The following EFCAB6 variants were observed in gnomAD, a reference collection of about 807,000 sequenced individuals.
EFCAB6 encodes EF-hand calcium binding domain 6.
A neutral mutation model predicts 169.8 loss-of-function variants in EFCAB6; 156 were observed. The ratio of observed to expected loss-of-function variants is 0.92; its 90% confidence interval spans 0.81 to 1.05. EFCAB6 has a LOEUF of 1.05. Among genes scored for constraint, EFCAB6 ranks in the 50% least tolerant of loss-of-function variants. EFCAB6 has a pLI of 0.00. For synonymous variants in EFCAB6, 698 were observed against 676.4 expected (o/e 1.03, Z -0.50); for missense variants, 1,800 against 1,829.1 (o/e 0.98, Z 0.29).
At chr22:43,732,995 TTAAAG>T (rs1256704250) in intron 7 of EFCAB6, among the ~76,000 whole-genome samples, 2 of 152,234 alleles carry the variant, frequency 1.3e-5, no homozygotes, top group East Asian at 1.9e-4. Context: ...TAATTATCAC[TTAAAG>T]TATTTATTTT....
Position 43,773,107 on chromosome 22 carries a change from T to C in EFCAB6, c.140-4A>G. 2 of 1,613,974 alleles carry C rather than the reference T, an allele frequency of 1.2e-6. No individual in the cohort carries two copies. Among genetic ancestry groups the C allele is most frequent in the South Asian group, 1.1e-5 (1 of 91,056 alleles). ...GTTGGATTTGCAACAGCTGTGGCTATAAAAGAGATACAGCTATTTATTAAA... is the reference window on the plus strand; with the variant it reads ...GTTGGATTTGCAACAGCTGTGGCTACAAAAGAGATACAGCTATTTATTAAA... On this transcript the variant is annotated splice_region_variant and splice_polypyrimidine_tract_variant and intron_variant, in intron 3 of 31. Transcript: ENST00000262726.
intron 9 of EFCAB6, among the ~76,000 whole-genome samples, chr22:43,715,378 C>T (rs1192280000): frequency 3.9e-5 from 6 of 152,100 alleles, no homozygotes; most frequent in Non-Finnish European, 7.4e-5. Flanking sequence ...GATCACAGTG[C>T]GCTGCTCATG....
chr22:43,729,577 T>C lies in EFCAB6; in HGVS notation c.757+2122A>G, dbSNP rs189113569. Among the ~76,000 whole-genome samples, 100 of 152,136 alleles carry C rather than the reference T, an allele frequency of 6.6e-4. No homozygotes were observed. The East Asian group carries it at 0.014, about 22-fold the overall frequency. On this transcript the variant is annotated intron_variant, in intron 8 of 31. Coordinates refer to ENST00000262726, the MANE Select transcript of EFCAB6 (RefSeq NM_022785.4). ...ACGCAAACTCTCCAGGAGTGGATAGTGAAGGAAGGAGAGGAACATAATGAA... is the reference window on the plus strand; with the variant it reads ...ACGCAAACTCTCCAGGAGTGGATAGCGAAGGAAGGAGAGGAACATAATGAA...
chr22:43,655,520 C>CAAA lies in EFCAB6; in HGVS notation c.1983+11581_1983+11583dup, dbSNP rs137753. Among the ~76,000 whole-genome samples the CAAA allele has an allele frequency of 2.6e-4, 30 of 116,426 alleles. 1 individual carries two copies. Among genetic ancestry groups the CAAA allele is most frequent in the Non-Finnish European group, 3.2e-4 (18 of 56,450 alleles). 76.4% of individuals were successfully genotyped at this position (116,426 alleles called of 152,430 possible). ...AACACAACAGAGCGAGACCCTGTCT[C>CAAA]AAAAAAAAAAAAAAAAGTTGGATAA... is the stretch of plus-strand genomic sequence containing the variant. On this transcript the variant is annotated intron_variant, in intron 17 of 31. Coordinates refer to ENST00000262726, the MANE Select transcript of EFCAB6 (RefSeq NM_022785.4).
intron 20 of EFCAB6, among the ~76,000 whole-genome samples, chr22:43,618,999 ATTT>A (rs1045350211): frequency 3.3e-5 from 5 of 151,772 alleles, no homozygotes; most frequent in Admixed American, 2.0e-4. Context: ...AAAACCTAAG[ATTT>A]TCTAGCCAGA....
chr22:43,548,464 C>A (rs1284235744), intron 27 of EFCAB6, among the ~76,000 whole-genome samples: 1 of 137,736 alleles, frequency 7.3e-6, no homozygotes, highest in Admixed American at 8.3e-5. Context: ...TGCTTGAACC[C>A]AGGAGGTAGA....
chr22:43,555,169 A>C (rs1012444057), intron 26 of EFCAB6, 73 bp from the exon 27 acceptor site: 15 of 1,516,816 alleles, frequency 9.9e-6, no homozygotes, highest in Non-Finnish European at 1.3e-5. Context: ...CTCCTCACCC[A>C]GGGCAAGTTG....
At chr22:43,731,636 G>T in intron 8 of EFCAB6, 63 bp downstream of exon 8, 1 of 969,110 alleles carries the variant, frequency 1.0e-6, no homozygotes, top group Non-Finnish European at 1.5e-6. Flanking sequence ...ATGATCCAAA[G>T]AACAGGAATT....
intron 6 of EFCAB6, among the ~76,000 whole-genome samples, chr22:43,753,334 G>C (rs746007877): frequency 1.9e-4 from 29 of 152,236 alleles, no homozygotes; most frequent in African/African-American, 4.1e-4. Context: ...GAGAGTGATA[G>C]CAAGTGAGGA....
chr22:43,579,527 T>TGC (rs2050550160), intron 25 of EFCAB6, among the ~76,000 whole-genome samples: 2 of 108,742 alleles, frequency 1.8e-5, no homozygotes, highest in African/African-American at 3.6e-5. Flanking sequence ...TCCATACACA[T>TGC]AGGCATCATT....
chr22:43,730,566 C>A (rs1264303131), intron 8 of EFCAB6, among the ~76,000 whole-genome samples: 2 of 152,056 alleles, frequency 1.3e-5, no homozygotes, highest in Non-Finnish European at 2.9e-5. Flanking sequence ...TTACAGAGAA[C>A]AGCATCTATA....
intron 10 of EFCAB6, among the ~76,000 whole-genome samples, chr22:43,692,441 C>T (rs2058443305): frequency 6.6e-6 from 1 of 152,008 alleles, no homozygotes; most frequent in Non-Finnish European, 1.5e-5. Flanking sequence ...CATTAACATG[C>T]AGGATTTTAA....
In EFCAB6 at chr22:43,540,123, TCA is replaced by T; in HGVS notation, c.3879+2_3879+3del. 2 of 1,613,786 alleles carry T rather than the reference TCA, an allele frequency of 1.2e-6. No homozygotes were observed. The highest frequency in any genetic ancestry group is 1.7e-5 in the Admixed American group (1 of 60,022). On this transcript the variant is annotated splice_donor_variant and splice_donor_region_variant and intron_variant, in intron 28 of 31. Transcript: ENST00000262726. LOFTEE classifies it high-confidence loss of function. The stretch of plus-strand genomic sequence containing the variant: ...TGGGACACCTGGCAGGATGGAGAAC[TCA>T]CACAGGGGTGGCTCTGCGACTTTGA...
intron 10 of EFCAB6, among the ~76,000 whole-genome samples, 165 bp downstream of exon 10, chr22:43,711,310 G>A (rs1159358084): frequency 6.6e-6 from 1 of 151,952 alleles, no homozygotes; most frequent in Non-Finnish European, 1.5e-5. Context: ...CTGGGTAGTG[G>A]GTACATTCAT....
At chr22:43,715,775 CA>C (rs1188695862) in intron 9 of EFCAB6, among the ~76,000 whole-genome samples, 1 of 152,088 alleles carries the variant, frequency 6.6e-6, no homozygotes, top group East Asian at 1.9e-4. Context: ...TTTATGAAAA[CA>C]AGAAAGTCAT....
At position 43,580,733 on chromosome 22, in the gene EFCAB6, T is replaced by C. The variant is rs937604459; in HGVS notation, c.3033-74A>G. 22 of 1,494,730 alleles carry C rather than the reference T, an allele frequency of 1.5e-5. No homozygotes were observed. The African/African-American group carries it at 2.6e-4, about 18-fold the overall frequency. 92.6% of individuals were successfully genotyped at this position (1,494,730 alleles called of 1,614,324 possible). ...TACTGCTTATTCATTCAACAGTTGC[T>C]GAGCACATTGGGCAATGTGGGGAAA... On this transcript the variant is annotated intron_variant, in intron 24 of 31. Coordinates refer to ENST00000262726, the MANE Select transcript of EFCAB6 (RefSeq NM_022785.4).
intron 26 of EFCAB6, among the ~76,000 whole-genome samples, chr22:43,561,439 C>T (rs1387301374): frequency 3.3e-5 from 5 of 152,004 alleles, no homozygotes; most frequent in African/African-American, 7.2e-5. Context: ...CTGAAAACCC[C>T]GCCCCCCTCA....
Position 43,554,861 on chromosome 22 carries a change from T to C in EFCAB6, c.3648+8A>G, listed in dbSNP as rs777019442. 1 of 1,613,830 alleles carries C rather than the reference T, an allele frequency of 6.2e-7. No individual in the cohort carries two copies. ...TGTGCAGGGTGAGGACTGACTGGCG[T>C]TTCTTACCTGTTCGTCCGTCAGGAT... On this transcript the variant is annotated splice_region_variant and intron_variant, in intron 27 of 31. Coordinates refer to ENST00000262726, the MANE Select transcript of EFCAB6 (RefSeq NM_022785.4).
At chr22:43,531,143 G>A (rs1424700375) in intron 30 of EFCAB6, among the ~76,000 whole-genome samples, 179 bp from the exon 31 acceptor site, 1 of 152,102 alleles carries the variant, frequency 6.6e-6, no homozygotes, top group Non-Finnish European at 1.5e-5. Flanking sequence ...ATGCGCACCC[G>A]CCCCCTGACC....
Sources: gnomAD v4.1 joint callset for allele counts (sites outside exome capture counted in the v4.1 genomes callset) on GRCh38, gnomAD v4.1.1 for gene constraint, MANE v1.5 for transcripts, NCBI Gene and HGNC (gene_info 2026-07-23, HGNC 2026-07-21) for gene names.